Variants in HMCES observed in about 807,000 individuals in gnomAD.
The protein encoded by HMCES is abasic site processing protein HMCES.
A neutral mutation model predicts 35.1 loss-of-function variants in HMCES; 27 were observed. The ratio of observed to expected loss-of-function variants is 0.77; its 90% CI spans 0.57 to 1.06. The LOEUF (loss-of-function observed/expected upper bound fraction) is 1.06, where lower values mean the gene tolerates loss of function less well. HMCES is among the 50% of genes least tolerant of loss of function. HMCES has a pLI of 0.00. For synonymous variants in HMCES, 130 were observed against 154.7 expected, an observed-to-expected ratio of 0.84 and a Z score of 1.18; for missense variants, 391 against 430.4, an observed-to-expected ratio of 0.91 and a Z score of 0.81.
At chr3:129,301,027 T>A (rs2071159235) in intron 5 of HMCES, among the ~76,000 whole-genome samples, 1 of 106,668 alleles carries the variant, frequency 9.4e-6, no homozygotes. Flanking sequence ...TGAGACTCCA[T>A]CTCAAAAAAA....
chr3:129,306,107 G>T lies in HMCES; in HGVS notation c.*1282G>T, dbSNP rs897638277. On this transcript the variant is annotated 3_prime_UTR_variant, in exon 7 of 7. Transcript: ENST00000383463. ...GTGGGATTTGGTTGTTTTATTAAGA[G>T]ATTTAAAAAATTCAGATGACTTACT... The T allele has an allele frequency of 2.0e-5, 3 of 152,164 alleles. No homozygotes were observed. The highest frequency in any genetic ancestry group is 4.4e-5 in the Non-Finnish European group (3 of 68,038). 9.4% of individuals were successfully genotyped at this position (152,164 alleles called of 1,614,324 possible).
rs1940541455 is a variant in HMCES at position 129,283,058 on chromosome 3, A to T, written c.183+3143A>T. Among the ~76,000 whole-genome samples, 3 of 152,130 alleles carry T rather than the reference A, an allele frequency of 2.0e-5. No individual in the cohort carries two copies. The South Asian group carries it at 6.2e-4, about 32-fold the overall frequency. ...CATAGGGAGCTATTCTGGGCGTTGT[A>T]GAGCGTTTAGCAACATCCTCTACCA... On this transcript the variant is annotated intron_variant, in intron 2 of 6. Coordinates refer to ENST00000383463, the MANE Select transcript of HMCES (RefSeq NM_020187.3).
At chr3:129,297,275 T>C (rs940198248) in intron 4 of HMCES, among the ~76,000 whole-genome samples, 3 of 152,040 alleles carry the variant, frequency 2.0e-5, no homozygotes, top group Non-Finnish European at 4.4e-5. Context: ...CAGTTCTCCG[T>C]TCAGTCTATC....
At position 129,302,068 on chromosome 3, in the gene HMCES, G is replaced by T; in HGVS notation, c.754G>T (p.Val252Phe). The T allele has an allele frequency of 1.2e-6, 2 of 1,614,180 alleles. No individual in the cohort carries two copies. Among genetic ancestry groups the T allele is most frequent in the Non-Finnish European group, 1.7e-6 (2 of 1,180,036 alleles). Residue 252 changes from valine (V) to phenylalanine (F), a missense_variant, in exon 6 of 7, where the codon GTC (valine) becomes TTC (phenylalanine). By Grantham distance (50) the Val-to-Phe change is conservative. Transcript: ENST00000383463. ...AACAGAGAACATCACCTTCCATGCAGTCTCTTCTGTGGTGAACAACTCGCG... is the reference window on the plus strand; with the variant it reads ...AACAGAGAACATCACCTTCCATGCATTCTCTTCTGTGGTGAACAACTCGCG... ...HPTENITFHAVSSVVNNSRNN... is the reference protein window; with the variant it reads ...HPTENITFHAFSSVVNNSRNN...
Position 129,279,251 on chromosome 3 carries a change from G to A in HMCES, c.-24+346G>A. 1 of 156,252 alleles carries A rather than the reference G, an allele frequency of 6.4e-6. No individual in the cohort carries two copies. The highest frequency in any genetic ancestry group is 1.4e-5 in the Non-Finnish European group (1 of 70,370). 9.7% of individuals were successfully genotyped at this position (156,252 alleles called of 1,614,324 possible). Reference sequence around the variant, plus strand: ...CGCTGCGGACTAGCGGGCGGGAGGCGGGGATTCTGCACCCCGGCCCCGGGC... The same window carrying A: ...CGCTGCGGACTAGCGGGCGGGAGGCAGGGATTCTGCACCCCGGCCCCGGGC... On this transcript the variant is annotated intron_variant, in intron 1 of 6. Transcript: ENST00000383463. This position sits in a 1 kb window ranked among gnomAD's most constrained non-coding sequence, Gnocchi z 4.2.
chr3:129,288,766 A>G lies in HMCES; in HGVS notation c.184-88A>G, dbSNP rs551389019. 44 of 974,866 alleles carry G rather than the reference A, an allele frequency of 4.5e-5. 1 individual carries two copies. The highest frequency in any genetic ancestry group is 6.2e-4 in the Middle Eastern group (2 of 3,210). 60.4% of individuals were successfully genotyped at this position (974,866 alleles called of 1,614,324 possible). On this transcript the variant is annotated intron_variant, in intron 2 of 6. Transcript: ENST00000383463. ...ATAATCTTGAATTCTTTATATTTCA[A>G]TACTCCTAAATAATGTAATAAATAC...
intron 4 of HMCES, among the ~76,000 whole-genome samples, chr3:129,293,370 A>G (rs1035933956): frequency 6.6e-6 from 1 of 152,154 alleles, no homozygotes; most frequent in Non-Finnish European, 1.5e-5. Flanking sequence ...CCAGAAACCT[A>G]TTGAAATAAA....
Position 129,304,924 on chromosome 3 carries a change from T to A in HMCES, c.*99T>A. On this transcript the variant is annotated 3_prime_UTR_variant, in exon 7 of 7. Transcript: ENST00000383463. ...TATATGTGTTTGCTTTGGGAGGAGG[T>A]GGCACTGTGTTAGTTGACAGTTGTG... 1.0e-6 allele frequency: 1 copy of A among 972,616 alleles called. No homozygotes were observed. Among genetic ancestry groups the A allele is most frequent in the Non-Finnish European group, 1.6e-6 (1 of 637,198 alleles). 60.2% of individuals were successfully genotyped at this position (972,616 alleles called of 1,614,324 possible). A position where few individuals can be genotyped will look rare whatever the true frequency, so the allele number is the denominator to read the frequency against.
chr3:129,282,226 G>C (rs1940511901), intron 2 of HMCES, among the ~76,000 whole-genome samples: 2 of 149,400 alleles, frequency 1.3e-5, no homozygotes, highest in Non-Finnish European at 2.9e-5. Flanking sequence ...GGGGGAGGCT[G>C]AGGCCAGAGA....
chr3:129,294,611 TTACAA>T (rs2071069756), intron 4 of HMCES, among the ~76,000 whole-genome samples: 1 of 152,200 alleles, frequency 6.6e-6, no homozygotes, highest in Non-Finnish European at 1.5e-5. Context: ...TACTATAAAC[TTACAA>T]TACATTGCTA....
chr3:129,291,037 T>C (rs560595823), intron 4 of HMCES, among the ~76,000 whole-genome samples: 9 of 152,156 alleles, frequency 5.9e-5, no homozygotes, highest in Admixed American at 4.6e-4. Context: ...ACCCCGTCTC[T>C]ACAAACAATA....
chr3:129,292,628 GA>G (rs1337499271), intron 4 of HMCES, among the ~76,000 whole-genome samples: 1 of 151,710 alleles, frequency 6.6e-6, no homozygotes, highest in Non-Finnish European at 1.5e-5. Context: ...AAGTAGCTGG[GA>G]CTACAGGCGT....
intron 5 of HMCES, among the ~76,000 whole-genome samples, chr3:129,301,417 C>T (rs2071167737): frequency 7.3e-6 from 1 of 136,686 alleles, no homozygotes; most frequent in Non-Finnish European, 1.5e-5. Flanking sequence ...CTGTACCACC[C>T]AAAAAGTGTG....
At chr3:129,283,001 T>C (rs975534619) in intron 2 of HMCES, among the ~76,000 whole-genome samples, 9 of 152,220 alleles carry the variant, frequency 5.9e-5, no homozygotes, top group Non-Finnish European at 1.0e-4. Flanking sequence ...ACCTTGACAC[T>C]GTTGACAGTT....
intron 6 of HMCES, among the ~76,000 whole-genome samples, chr3:129,302,819 C>G (rs2071185915): frequency 6.6e-6 from 1 of 151,834 alleles, no homozygotes; most frequent in Admixed American, 6.6e-5. Flanking sequence ...TCCAGACCTG[C>G]CTGGGCAATA....
intron 5 of HMCES, among the ~76,000 whole-genome samples, chr3:129,299,103 G>A (rs1467459232): frequency 1.3e-5 from 2 of 152,196 alleles, no homozygotes; most frequent in Non-Finnish European, 2.9e-5. Flanking sequence ...AGCCAAGATC[G>A]TGCCACTGCA....
intron 4 of HMCES, among the ~76,000 whole-genome samples, chr3:129,298,027 A>G (rs750034506): frequency 1.3e-5 from 2 of 152,182 alleles, no homozygotes; most frequent in Non-Finnish European, 2.9e-5. Flanking sequence ...AGGAGCATGA[A>G]ATTGCATGAG....
chr3:129,296,784 A>C (rs921333268), intron 4 of HMCES, among the ~76,000 whole-genome samples: 3 of 151,888 alleles, frequency 2.0e-5, no homozygotes, highest in Non-Finnish European at 4.4e-5. Flanking sequence ...TTTGTTTTTG[A>C]GACAGAGTCT....
At position 129,281,913 on chromosome 3, in the gene HMCES, C is replaced by G. The variant is rs1576977357; in HGVS notation, c.183+1998C>G. Reference sequence around the variant, plus strand: ...CTGCACTCCAGCCTGGGTGACAGAGCAAGACTCAGTCTCAAAAAAAAAAAA... The same window carrying G: ...CTGCACTCCAGCCTGGGTGACAGAGGAAGACTCAGTCTCAAAAAAAAAAAA... On this transcript the variant is annotated intron_variant, in intron 2 of 6. Transcript: ENST00000383463. 4.7e-5 allele frequency among the ~76,000 whole-genome samples: 5 copies of G among 106,504 alleles called. No individual in the cohort carries two copies. In the South Asian group the frequency reaches 1.1e-3, roughly 24 times the overall value. The allele number at this position is 106,504 out of a possible 152,430, so 69.9% of individuals were successfully genotyped here. A position where few individuals can be genotyped will look rare whatever the true frequency, so the allele number is the denominator to read the frequency against.
Sources: allele counts gnomAD v4.1 joint callset (sites outside exome capture counted in the v4.1 genomes callset), GRCh38; gene constraint gnomAD v4.1.1; non-coding constraint Gnocchi (gnomAD v3.1); transcripts MANE v1.5; gene names NCBI Gene and HGNC (gene_info 2026-07-23, HGNC 2026-07-21).